DIPK1B: variants seen among roughly 807,000 people sequenced by gnomAD.
The protein encoded by DIPK1B is divergent protein kinase domain 1B.
A neutral mutation model predicts 20.7 loss-of-function variants in DIPK1B; 17 were observed. The ratio of observed to expected loss-of-function variants is 0.82; its 90% CI spans 0.56 to 1.23. The LOEUF (loss-of-function observed/expected upper bound fraction) is 1.23, where lower values mean the gene tolerates loss of function less well. DIPK1B is among the 50% of genes most tolerant of loss of function. The probability of loss-of-function intolerance (pLI) is 0.00; values close to 1 mark genes in which losing one functional copy is unlikely to be tolerated. For missense variants in DIPK1B, 648 were observed against 601.8 expected (o/e 1.08, Z -0.80); for synonymous variants, 343 against 276.5 (o/e 1.24, Z -2.39).
At chr9:136,717,474 G>C in intron 1 of DIPK1B, 103 bp from the exon 2 acceptor site, 19 of 1,381,588 alleles carry the variant, frequency 1.4e-5, no homozygotes, top group Non-Finnish European at 1.8e-5. Flanking sequence ...GCAGGGGAAG[G>C]CTGGGGTGGA....
rs78014636 is a variant in DIPK1B, at chr9:136,724,432, T to C, written c.*658T>C. ...CATTCCCTAGGAAACAGCCCAGGAA[T>C]GGCCATCTTCTCCAGCCCCGTACGC... is the stretch of plus-strand genomic sequence containing the variant. On this transcript the variant is annotated 3_prime_UTR_variant, in exon 5 of 5. Transcript: ENST00000371692. Among the ~76,000 whole-genome samples the C allele has an allele frequency of 0.012, 1,840 of 152,322 alleles. 36 individuals carry two copies. Among genetic ancestry groups the C allele is most frequent in the African/African-American group, 0.042 (1,729 of 41,558 alleles).
chr9:136,713,428 G>T (rs1255116509), intron 1 of DIPK1B, among the ~76,000 whole-genome samples: 6 of 152,218 alleles, frequency 3.9e-5, no homozygotes, highest in Non-Finnish European at 8.8e-5. Context: ...CCCCCGCAGG[G>T]TGGTCCTGGG....
intron 1 of DIPK1B, among the ~76,000 whole-genome samples, chr9:136,714,482 G>A (rs543727436): frequency 3.3e-5 from 5 of 152,288 alleles, no homozygotes; most frequent in South Asian, 4.1e-4. Context: ...CCCTAGGCCC[G>A]AGGCCAGCTG....
chr9:136,720,238 C>G (rs1554757671), intron 2 of DIPK1B, among the ~76,000 whole-genome samples: 2 of 151,932 alleles, frequency 1.3e-5, no homozygotes, highest in Non-Finnish European at 1.5e-5. Flanking sequence ...GACGAAGAGC[C>G]GGCGTTTTCT....
chr9:136,716,574 G>A (rs1374027598), intron 1 of DIPK1B, among the ~76,000 whole-genome samples: 1 of 151,908 alleles, frequency 6.6e-6, no homozygotes, highest in Non-Finnish European at 1.5e-5. Flanking sequence ...GCTAATTTTT[G>A]TATTTTTGTA....
At chr9:136,720,274 A>G (rs1008211944) in intron 2 of DIPK1B, among the ~76,000 whole-genome samples, 18 of 152,146 alleles carry the variant, frequency 1.2e-4, no homozygotes, top group Admixed American at 8.5e-4. Flanking sequence ...CGCTGCCTTC[A>G]TGACTCACGT....
In DIPK1B at chr9:136,723,904, G is replaced by C; in HGVS notation, c.*130G>C. The C allele has an allele frequency of 1.0e-6, 1 of 975,880 alleles. No homozygotes were observed. Among genetic ancestry groups the C allele is most frequent in the Non-Finnish European group, 1.5e-6 (1 of 674,464 alleles). The allele number at this position is 975,880 out of a possible 1,614,324, so 60.5% of individuals were successfully genotyped here. A position where few individuals can be genotyped will look rare whatever the true frequency, so the allele number is the denominator to read the frequency against. On this transcript the variant is annotated 3_prime_UTR_variant, in exon 5 of 5. Coordinates refer to ENST00000371692, the MANE Select transcript of DIPK1B (RefSeq NM_152421.4). ...GCAAAATCACTCCCCTACCGTCAGGGCTCTGGATTCCAGCACCACAGACAT... is the reference window on the plus strand; with the variant it reads ...GCAAAATCACTCCCCTACCGTCAGGCCTCTGGATTCCAGCACCACAGACAT...
Position 136,723,682 on chromosome 9 carries a change from C to CT in DIPK1B, c.1205dup (p.Ala403GlyfsTer34), listed in dbSNP as rs1846658160. 1 of 1,543,796 alleles carries CT rather than the reference C, an allele frequency of 6.5e-7. No homozygotes were observed. The highest frequency in any genetic ancestry group is 8.7e-7 in the Non-Finnish European group (1 of 1,148,738). On this transcript the variant is annotated frameshift_variant, in exon 5 of 5. Transcript: ENST00000371692. LOFTEE classifies it high-confidence loss of function. Reference sequence around the variant, plus strand: ...GCGCACCTGTACCACGCTGAGCGGGCTGGCCAGCCAGGTGGAGGCCCATCA... The same window carrying CT: ...GCGCACCTGTACCACGCTGAGCGGGCTTGGCCAGCCAGGTGGAGGCCCATCA...
chr9:136,718,165 GGC>G, intron 2 of DIPK1B, among the ~76,000 whole-genome samples: 3 of 119,100 alleles, frequency 2.5e-5, no homozygotes, highest in Non-Finnish European at 5.6e-5. Flanking sequence ...TGGCCTCACT[GGC>G]CTGGGATAGA....
chr9:136,718,154 C>G (rs1227033948), intron 2 of DIPK1B, among the ~76,000 whole-genome samples: 6 of 130,888 alleles, frequency 4.6e-5, no homozygotes, highest in African/African-American at 1.4e-4. Context: ...CCCCCGTGTG[C>G]TGGCCTCACT....
At chr9:136,716,255 A>AGTCTGT (rs1846495125) in intron 1 of DIPK1B, among the ~76,000 whole-genome samples, 2 of 135,100 alleles carry the variant, frequency 1.5e-5, no homozygotes, top group Admixed American at 1.5e-4. Context: ...TCGGTGTCTG[A>AGTCTGT]GTCTGTGTCT....
At position 136,723,253 on chromosome 9, in the gene DIPK1B, G is replaced by A. The variant is rs770452891; in HGVS notation, c.775G>A (p.Ala259Thr). 1.3e-5 allele frequency: 21 copies of A among 1,612,424 alleles called. No homozygotes were observed. Among genetic ancestry groups the A allele is most frequent in the Non-Finnish European group, 1.6e-5 (19 of 1,179,726 alleles). The change falls in exon 5 of 5, where the codon GCT becomes ACT. Residue 259 changes from alanine to threonine, a missense_variant. Coordinates refer to ENST00000371692, the MANE Select transcript of DIPK1B (RefSeq NM_152421.4). Reference protein sequence around the residue: ...RPLLPPALQGALQQWLGPAWP... With the variant: ...RPLLPPALQGTLQQWLGPAWP... ...ACTGCTGCCGCCTGCCCTGCAGGGT[G>A]CTCTCCAGCAGTGGCTGGGGCCTGC...
Position 136,723,587 on chromosome 9 carries a change from G to A in DIPK1B, c.1109G>A (p.Cys370Tyr). 5 of 1,596,066 alleles carry A rather than the reference G, an allele frequency of 3.1e-6. No homozygotes were observed. Among genetic ancestry groups the A allele is most frequent in the Non-Finnish European group, 4.3e-6 (5 of 1,171,968 alleles). ...ATCCAGCCCAACCTGGCCAAGGTGT[G>A]CGCACTGCTACGGGGCTACCTGCTG... ...DLIQPNLAKVCALLRGYLLPG... is the reference protein window; with the variant it reads ...DLIQPNLAKVYALLRGYLLPG... The change falls in exon 5 of 5, where the codon TGC (cysteine) becomes TAC (tyrosine). Residue 370 changes from cysteine to tyrosine, a missense_variant. Cys to Tyr is a radical substitution (Grantham distance 194). Coordinates refer to ENST00000371692, the MANE Select transcript of DIPK1B (RefSeq NM_152421.4).
At position 136,724,390 on chromosome 9, in the gene DIPK1B, C is replaced by T. The variant is rs1447344749; in HGVS notation, c.*616C>T. On this transcript the variant is annotated 3_prime_UTR_variant, in exon 5 of 5. Coordinates refer to ENST00000371692, the MANE Select transcript of DIPK1B (RefSeq NM_152421.4). ...TAAAAACTGATTTTACAAAATCCAGCCATGAGATGTACAACTCATTCCCTA... is the reference window on the plus strand; with the variant it reads ...TAAAAACTGATTTTACAAAATCCAGTCATGAGATGTACAACTCATTCCCTA... Among the ~76,000 whole-genome samples, 1 of 152,188 alleles carries T rather than the reference C, an allele frequency of 6.6e-6. No individual in the cohort carries two copies. The highest frequency in any genetic ancestry group is 1.5e-5 in the Non-Finnish European group (1 of 68,042).
rs201276726 is a variant in DIPK1B at position 136,722,321 on chromosome 9, G to A, written c.483+20G>A. The A allele has an allele frequency of 1.8e-4, 294 of 1,604,120 alleles. 1 individual carries two copies. The African/African-American group carries it at 3.4e-3, about 19-fold the overall frequency. On this transcript the variant is annotated intron_variant, in intron 4 of 4. Transcript: ENST00000371692. Reference sequence around the variant, plus strand: ...CTCAAGGTCAGGCAGCTCTCCTAGGGGGCAGGGCAGGAGTCCACACCACGG... The same window carrying A: ...CTCAAGGTCAGGCAGCTCTCCTAGGAGGCAGGGCAGGAGTCCACACCACGG...
intron 4 of DIPK1B, 194 bp downstream of exon 4, chr9:136,722,495 G>A (rs1300206598): frequency 9.9e-6 from 7 of 704,824 alleles, no homozygotes; most frequent in Non-Finnish European, 1.6e-5. Context: ...GGGGGCAAGG[G>A]TTGGGGGCGC....
intron 1 of DIPK1B, among the ~76,000 whole-genome samples, chr9:136,716,488 G>C (rs1319281248): frequency 2.6e-5 from 4 of 151,640 alleles, no homozygotes; most frequent in Non-Finnish European, 5.9e-5. Flanking sequence ...GGCTGGTCTC[G>C]AACTCCTGAG....
rs898529315 is a variant in DIPK1B at position 136,723,878 on chromosome 9, T to C, written c.*104T>C. On this transcript the variant is annotated 3_prime_UTR_variant, in exon 5 of 5. Coordinates refer to ENST00000371692, the MANE Select transcript of DIPK1B (RefSeq NM_152421.4). ...CAGAAGATGTGAAATGCAACTGTGT[T>C]GCAAAATCACTCCCCTACCGTCAGG... 9.9e-6 allele frequency: 12 copies of C among 1,210,622 alleles called. No individual in the cohort carries two copies. Among genetic ancestry groups the C allele is most frequent in the Non-Finnish European group, 1.2e-5 (11 of 882,014 alleles). The allele number at this position is 1,210,622 out of a possible 1,614,324, so 75.0% of individuals were successfully genotyped here. A position where few individuals can be genotyped will look rare whatever the true frequency, so the allele number is the denominator to read the frequency against.
In DIPK1B at chr9:136,721,908, C is replaced by G; in HGVS notation, c.199-13C>G. On this transcript the variant is annotated splice_polypyrimidine_tract_variant and intron_variant, in intron 2 of 4. Coordinates refer to ENST00000371692, the MANE Select transcript of DIPK1B (RefSeq NM_152421.4). The stretch of plus-strand genomic sequence containing the variant: ...GGCTGCCCCGCCCGGCACGCCTGCA[C>G]CTGTCTCCTCAGTGTGACCAGTACC... 6.2e-7 allele frequency: 1 copy of G among 1,611,976 alleles called. No homozygotes were observed. The highest frequency in any genetic ancestry group is 8.5e-7 in the Non-Finnish European group (1 of 1,179,550).
Sources: allele counts gnomAD v4.1 joint callset (sites outside exome capture counted in the v4.1 genomes callset), GRCh38; gene constraint gnomAD v4.1.1; transcripts MANE v1.5; gene names NCBI Gene and HGNC (gene_info 2026-07-23, HGNC 2026-07-21).